The following DOCK7 variants were observed in gnomAD, a reference collection of about 807,000 sequenced individuals.
DOCK7 encodes dedicator of cytokinesis 7.
DOCK7 carries 138 observed loss-of-function variants against 271.0 expected under a neutral mutation model. The observed-to-expected ratio is 0.51, with a 90% CI of 0.44 to 0.59. DOCK7 has a LOEUF of 0.59. Ranked by LOEUF, DOCK7 falls within the 20% of genes least tolerant of loss-of-function variation. The pLI is 0.00. For synonymous variants in DOCK7, 823 were observed against 876.1 expected, an observed-to-expected ratio of 0.94 and a Z score of 1.07; for missense variants, 2,066 against 2,592.4, an observed-to-expected ratio of 0.80 and a Z score of 4.41.
chr1:62,663,132 T>C lies in DOCK7; in HGVS notation c.39-2A>G. 6.2e-7 allele frequency: 1 copy of C among 1,600,594 alleles called. No individual in the cohort carries two copies. The highest frequency in any genetic ancestry group is 8.5e-7 in the Non-Finnish European group (1 of 1,173,356). Reference sequence around the variant, plus strand: ...TTCCTAACTTCGGCTGCCACCGTTCTACAATGAAGAAAGCAAAAACATACG... The same window carrying C: ...TTCCTAACTTCGGCTGCCACCGTTCCACAATGAAGAAAGCAAAAACATACG... On this transcript the variant is annotated splice_acceptor_variant, in intron 1 of 49. Coordinates refer to ENST00000635253, the MANE Select transcript of DOCK7 (RefSeq NM_001367561.1). LOFTEE classifies it high-confidence loss of function.
intron 18 of DOCK7, among the ~76,000 whole-genome samples, chr1:62,565,607 C>A (rs1481232064): frequency 1.3e-5 from 2 of 152,142 alleles, no homozygotes; most frequent in Admixed American, 6.5e-5. Flanking sequence ...CAATACCATA[C>A]TGAATAGGCG....
intron 48 of DOCK7, among the ~76,000 whole-genome samples, chr1:62,463,183 G>A (rs1284486682): frequency 6.6e-6 from 1 of 152,138 alleles, no homozygotes. Context: ...GGAGGGAAGA[G>A]AAATGGCTAA....
At chr1:62,619,380 G>T (rs1435310497) in intron 13 of DOCK7, among the ~76,000 whole-genome samples, 1 of 152,074 alleles carries the variant, frequency 6.6e-6, no homozygotes, top group Non-Finnish European at 1.5e-5. Flanking sequence ...CCCCCGCTGG[G>T]GATATATTTT....
chr1:62,641,501 G>T (rs1656023990), intron 7 of DOCK7: 2 of 447,284 alleles, frequency 4.5e-6, no homozygotes, highest in African/African-American at 2.0e-5. Flanking sequence ...GTGGCTGGGG[G>T]CTTGGAAATG....
At chr1:62,549,181 G>A (rs1012839324) in intron 22 of DOCK7, among the ~76,000 whole-genome samples, 3 of 152,106 alleles carry the variant, frequency 2.0e-5, no homozygotes, top group African/African-American at 7.2e-5. Flanking sequence ...ACAGAATGTA[G>A]TACCCTGGAA....
chr1:62,456,208 G>A (rs1645343229), intron 49 of DOCK7, among the ~76,000 whole-genome samples: 1 of 152,258 alleles, frequency 6.6e-6, no homozygotes, highest in Non-Finnish European at 1.5e-5. Context: ...ATTCCTGAAA[G>A]GGTCTTAGGG....
rs1644835614 is a variant in DOCK7, at chr1:62,521,108, AG to A, written c.3936+7042del. Reference sequence around the variant, plus strand: ...CACACACTGGGGCCTGTCAGGGGGTAGGGGGGTAGGGGAGGGACAGCATTAG... The same window carrying A: ...CACACACTGGGGCCTGTCAGGGGGTAGGGGGTAGGGGAGGGACAGCATTAG... On this transcript the variant is annotated intron_variant, in intron 31 of 49. Transcript: ENST00000635253. 3.8e-5 allele frequency among the ~76,000 whole-genome samples: 5 copies of A among 130,690 alleles called. No homozygotes were observed. The South Asian group carries it at 1.4e-3, about 36-fold the overall frequency. 85.7% of individuals were successfully genotyped at this position (130,690 alleles called of 152,430 possible).
At chr1:62,663,159 AT>A in intron 1 of DOCK7, 29 bp from the exon 2 acceptor site, 1 of 1,424,512 alleles carries the variant, frequency 7.0e-7, no homozygotes, top group Non-Finnish European at 9.7e-7. Context: ...AAACATACGC[AT>A]TATTGAAAAA....
At chr1:62,626,022 A>T (rs1653906611) in intron 11 of DOCK7, among the ~76,000 whole-genome samples, 1 of 152,202 alleles carries the variant, frequency 6.6e-6, no homozygotes, top group African/African-American at 2.4e-5. Context: ...ATTCAAAGAG[A>T]TTAAAATCAT....
intron 37 of DOCK7, among the ~76,000 whole-genome samples, chr1:62,499,381 T>C (rs1646714097): frequency 6.6e-6 from 1 of 152,014 alleles, no homozygotes; most frequent in South Asian, 2.1e-4. Context: ...GATGGGGGAA[T>C]AGAAAAAACC....
At chr1:62,464,090 C>T (rs570799185) in intron 48 of DOCK7, among the ~76,000 whole-genome samples, 13 of 152,116 alleles carry the variant, frequency 8.5e-5, no homozygotes, top group African/African-American at 2.4e-4. Flanking sequence ...GCCGGAGTCT[C>T]GCTCTGTCAC....
At chr1:62,501,449 G>A (rs994561624) in intron 37 of DOCK7, among the ~76,000 whole-genome samples, 3 of 152,148 alleles carry the variant, frequency 2.0e-5, no homozygotes, top group South Asian at 2.1e-4. Flanking sequence ...ATTAAATCAA[G>A]TGAAGTATAT....
At chr1:62,584,697 C>A in intron 15 of DOCK7, 1 of 1,244,660 alleles carries the variant, frequency 8.0e-7, no homozygotes, top group East Asian at 2.7e-5. Context: ...TGACAGGAGT[C>A]AAGATATAGA....
chr1:62,531,990 C>T (rs1310568906), intron 29 of DOCK7, among the ~76,000 whole-genome samples: 1 of 152,128 alleles, frequency 6.6e-6, no homozygotes, highest in East Asian at 1.9e-4. Flanking sequence ...CAGATAAGTG[C>T]CTTGTAGAAA....
intron 31 of DOCK7, among the ~76,000 whole-genome samples, chr1:62,517,887 G>A (rs943089561): frequency 5.9e-5 from 9 of 152,124 alleles, no homozygotes; most frequent in Non-Finnish European, 1.3e-4. Flanking sequence ...ACAGAGTGAC[G>A]TAAAGGAACA....
At chr1:62,586,478 A>T (rs1208721259) in intron 15 of DOCK7, 29 bp downstream of exon 15, 1 of 1,513,752 alleles carries the variant, frequency 6.6e-7, no homozygotes. Context: ...TAATACAAAA[A>T]ATTAGAAAAG....
At chr1:62,550,037 T>C (rs1042894147) in intron 22 of DOCK7, among the ~76,000 whole-genome samples, 2 of 152,234 alleles carry the variant, frequency 1.3e-5, no homozygotes, top group African/African-American at 4.8e-5. Context: ...TGCCATTGTA[T>C]ATATGTACCA....
chr1:62,602,467 G>A, intron 14 of DOCK7: 3 of 1,188,976 alleles, frequency 2.5e-6, no homozygotes, highest in Non-Finnish European at 3.8e-6. Context: ...ATTAGGAAAA[G>A]TAGTAACGAA....
At chr1:62,485,501 T>C (rs1189512852) in intron 43 of DOCK7, 5 of 985,298 alleles carry the variant, frequency 5.1e-6, no homozygotes, top group Non-Finnish European at 6.0e-6. Context: ...TCAAAGAGCC[T>C]TTCTACAATG....
Sources: allele counts gnomAD v4.1 joint callset (sites outside exome capture counted in the v4.1 genomes callset), GRCh38; gene constraint gnomAD v4.1.1; transcripts MANE v1.5; gene names NCBI Gene and HGNC (gene_info 2026-07-23, HGNC 2026-07-21).